BIRC6: variants seen among roughly 807,000 people sequenced by gnomAD.
BIRC6 encodes the protein baculoviral IAP repeat containing 6.
A neutral mutation model predicts 503.3 loss-of-function variants in BIRC6; 98 were observed. That is an observed-to-expected ratio of 0.19 (90% CI 0.17 to 0.23). The LOEUF (loss-of-function observed/expected upper bound fraction) is 0.23. Ranked by LOEUF, BIRC6 falls within the 10% of genes least tolerant of loss-of-function variation. The pLI, the probability that BIRC6 is intolerant of heterozygous loss-of-function variation, is 1.00. For missense variants in BIRC6, 5,360 were observed against 5,806.0 expected, an observed-to-expected ratio of 0.92 and a Z score of 2.50; for synonymous variants, 2,240 against 2,078.7, an observed-to-expected ratio of 1.08 and a Z score of -2.11.
chr2:32,518,704 A>C lies in BIRC6; in HGVS notation c.11494-113A>C, dbSNP rs1403255074. On this transcript the variant is annotated intron_variant, in intron 56 of 73. Transcript: ENST00000421745. ...CAACTATGCCATATCTAAATTAATT[A>C]TATCTTGTAGGATTTATTGAGTATT... 3 of 1,250,654 alleles carry C rather than the reference A, an allele frequency of 2.4e-6. No individual in the cohort carries two copies. In the African/African-American group the frequency reaches 4.6e-5, roughly 19 times the overall value. 77.5% of individuals were successfully genotyped at this position (1,250,654 alleles called of 1,614,324 possible). A position where few individuals can be genotyped will look rare whatever the true frequency, so the allele number is the denominator to read the frequency against.
chr2:32,389,797 A>G (rs1454391229), intron 4 of BIRC6, among the ~76,000 whole-genome samples: 2 of 151,882 alleles, frequency 1.3e-5, no homozygotes, highest in Non-Finnish European at 2.9e-5. Flanking sequence ...CCCAGATTCA[A>G]GAGATTCTCC....
Position 32,506,874 on chromosome 2 carries a change from T to A in BIRC6, c.9701-1106T>A, listed in dbSNP as rs567774402. 3.3e-5 allele frequency among the ~76,000 whole-genome samples: 5 copies of A among 152,290 alleles called. No homozygotes were observed. The East Asian group carries it at 9.6e-4, about 29-fold the overall frequency. ...TGCTTGTGTAAAATGTAGATAATAC[T>A]TTCCTCAAAAGGTTTTGAAGTAGAA... On this transcript the variant is annotated intron_variant, in intron 50 of 73. Coordinates refer to ENST00000421745, the MANE Select transcript of BIRC6 (RefSeq NM_016252.4).
chr2:32,371,463 C>T (rs1412794457), intron 1 of BIRC6, among the ~76,000 whole-genome samples: 1 of 151,804 alleles, frequency 6.6e-6, no homozygotes, highest in Non-Finnish European at 1.5e-5. Flanking sequence ...CAACCTCTGC[C>T]TTCTGGGTTT....
At chr2:32,494,104 T>A (rs1379189249) in intron 45 of BIRC6, among the ~76,000 whole-genome samples, 1 of 152,208 alleles carries the variant, frequency 6.6e-6, no homozygotes, top group African/African-American at 2.4e-5. Context: ...CTCCATGTTA[T>A]AAGAATAAAT....
intron 60 of BIRC6, 21 bp downstream of exon 60, chr2:32,529,845 T>A: frequency 6.8e-7 from 1 of 1,477,634 alleles, no homozygotes; most frequent in Non-Finnish European, 9.1e-7. Flanking sequence ...AATACTACTT[T>A]AAAAATTACA....
intron 10 of BIRC6, among the ~76,000 whole-genome samples, chr2:32,425,121 G>T (rs113589303): frequency 1.6e-3 from 231 of 146,696 alleles, no homozygotes; most frequent in Non-Finnish European, 2.8e-3. Flanking sequence ...TGATTGAGTT[G>T]TAGGAACATT....
At position 32,473,282 on chromosome 2, in the gene BIRC6, T is replaced by C. The variant is rs946830964; in HGVS notation, c.6720+43T>C. ...TAAAAATTTTTAATGTTTGAGAATA[T>C]TGTTTTGGAGTTTGCATGAGACAGA... is the stretch of plus-strand genomic sequence containing the variant. On this transcript the variant is annotated intron_variant, in intron 33 of 73. Coordinates refer to ENST00000421745, the MANE Select transcript of BIRC6 (RefSeq NM_016252.4). The C allele has an allele frequency of 4.8e-6, 7 of 1,471,820 alleles. No individual in the cohort carries two copies. The African/African-American group carries it at 5.7e-5, about 12-fold the overall frequency. 91.2% of individuals were successfully genotyped at this position (1,471,820 alleles called of 1,614,324 possible).
chr2:32,469,407 C>G lies in BIRC6; in HGVS notation c.6140C>G (p.Pro2047Arg), dbSNP rs2048893190. 6.2e-7 allele frequency: 1 copy of G among 1,612,848 alleles called. No homozygotes were observed. The highest frequency in any genetic ancestry group is 1.3e-5 in the African/African-American group (1 of 74,886). The change falls in exon 30 of 74, where the codon CCT becomes CGT. Residue 2047 changes from proline (P) to arginine (R), a missense_variant. Transcript: ENST00000421745. ...LLHASNGHSV[P>R]AVLQSTFHAQ... Reference sequence around the variant, plus strand: ...TTTCTTGTAATAGGACACTCTGTTCCTGCAGTTTTGCAGAGCACATTTCAT... The same window carrying G: ...TTTCTTGTAATAGGACACTCTGTTCGTGCAGTTTTGCAGAGCACATTTCAT...
chr2:32,465,071 C>T lies in BIRC6; in HGVS notation c.5263C>T (p.Leu1755Phe), dbSNP rs564045430. 2 of 1,583,354 alleles carry T rather than the reference C, an allele frequency of 1.3e-6. No homozygotes were observed. Among genetic ancestry groups the T allele is most frequent in the Admixed American group, 3.5e-5 (2 of 56,882 alleles). Residue 1755 changes from leucine to phenylalanine, a missense_variant, in exon 26 of 74, where the codon CTT becomes TTT. Transcript: ENST00000421745. ...KNSNKSRMNP[L>F]GSGLALAISH... ...TTTTTTTTCCCTGCTCTAGAATCCA[C>T]TTGGTTCTGGTCTAGCCCTTGCAAT...
chr2:32,388,805 C>T lies in BIRC6; in HGVS notation c.701C>T (p.Ala234Val), dbSNP rs2038840841. Residue 234 changes from alanine (A) to valine (V), a missense_variant, in exon 4 of 74, where the codon GCC (alanine) becomes GTC (valine). Ala to Val is a moderately conservative substitution (Grantham distance 64). Transcript: ENST00000421745. ...PHHVLKSIAS[A>V]IVNELKKINQ... ...CATGTGTTGAAGTCCATTGCCAGTG[C>T]CATTGTAAATGAACTCAAGAAAATA... is the stretch of plus-strand genomic sequence containing the variant. 2.2e-5 allele frequency: 35 copies of T among 1,612,728 alleles called. No individual in the cohort carries two copies. Among genetic ancestry groups the T allele is most frequent in the Non-Finnish European group, 3.0e-5 (35 of 1,179,356 alleles).
chr2:32,484,388 C>T (rs1370275811), intron 39 of BIRC6, among the ~76,000 whole-genome samples: 1 of 151,888 alleles, frequency 6.6e-6, no homozygotes, highest in Non-Finnish European at 1.5e-5. Flanking sequence ...CCCATCTCTA[C>T]TACAAATATA....
At chr2:32,535,650 G>A (rs1320450209) in intron 61 of BIRC6, among the ~76,000 whole-genome samples, 3 of 152,142 alleles carry the variant, frequency 2.0e-5, no homozygotes, top group Non-Finnish European at 4.4e-5. Flanking sequence ...ATTTTTTATG[G>A]CTGCATAGTA....
At chr2:32,440,186 C>G (rs2045255239) in intron 16 of BIRC6, among the ~76,000 whole-genome samples, 1 of 152,192 alleles carries the variant, frequency 6.6e-6, no homozygotes, top group African/African-American at 2.4e-5. Context: ...CCTGAATTAA[C>G]TTTAGGCAAA....
chr2:32,529,796 T>C lies in BIRC6; in HGVS notation c.12066T>C (p.Asp4022=), dbSNP rs776421699. 1.2e-6 allele frequency: 2 copies of C among 1,611,678 alleles called. No homozygotes were observed. Among genetic ancestry groups the C allele is most frequent in the Admixed American group, 3.4e-5 (2 of 59,598 alleles). Residue 4022 remains aspartate (D), a synonymous_variant, in exon 60 of 74, where the codon GAT becomes GAC. Transcript: ENST00000421745. The part of the protein sequence containing the change: ...VITDPSLSKT[D]SYKRLHPEKD... The stretch of plus-strand genomic sequence containing the variant: ...CAGACCCCAGTCTATCAAAAACAGA[T>C]TCTTATAAAAGACTACACCCTGAAA...
chr2:32,445,104 T>A (rs901787275), intron 20 of BIRC6, among the ~76,000 whole-genome samples: 1 of 152,228 alleles, frequency 6.6e-6, no homozygotes, highest in African/African-American at 2.4e-5. Context: ...CTCACTGCCA[T>A]CCACTATTTT....
At position 32,535,309 on chromosome 2, in the gene BIRC6, T is replaced by C. The variant is rs189711972; in HGVS notation, c.12291+3758T>C. On this transcript the variant is annotated intron_variant, in intron 61 of 73. Coordinates refer to ENST00000421745, the MANE Select transcript of BIRC6 (RefSeq NM_016252.4). ...GCCAGGGAATTACAACTTTATTTTA[T>C]TTTATTTTTTAAATTATACTTTTAG... 3.9e-3 allele frequency among the ~76,000 whole-genome samples: 594 copies of C among 152,284 alleles called. 3 individuals are homozygous for C. Among genetic ancestry groups the C allele is most frequent in the African/African-American group, 0.013 (560 of 41,566 alleles).
At chr2:32,363,202 C>T (rs2034381468) in intron 1 of BIRC6, among the ~76,000 whole-genome samples, 1 of 152,040 alleles carries the variant, frequency 6.6e-6, no homozygotes, top group African/African-American at 2.4e-5. Flanking sequence ...CATGGTGGTG[C>T]ACACCTGTAG....
At chr2:32,377,484 C>T (rs2036982379) in intron 1 of BIRC6, 104 bp from the exon 2 acceptor site, 1 of 870,534 alleles carries the variant, frequency 1.1e-6, no homozygotes, top group Non-Finnish European at 1.6e-6. Flanking sequence ...AGTTTAAGAT[C>T]CAATTCAGGA....
intron 24 of BIRC6, among the ~76,000 whole-genome samples, chr2:32,464,191 A>C (rs2048291061): frequency 6.6e-6 from 1 of 152,234 alleles, no homozygotes; most frequent in African/African-American, 2.4e-5. Context: ...TACATTAGTC[A>C]ACATGAGAAT....
Sources: allele counts gnomAD v4.1 joint callset (sites outside exome capture counted in the v4.1 genomes callset), GRCh38; gene constraint gnomAD v4.1.1; transcripts MANE v1.5; gene names NCBI Gene and HGNC (gene_info 2026-07-23, HGNC 2026-07-21).